Variants in DOCK8 observed in about 807,000 individuals in gnomAD.
The protein encoded by DOCK8 is dedicator of cytokinesis protein 8.
Under a neutral mutation model 245.6 loss-of-function variants are expected in DOCK8, and 141 were observed. That is an observed-to-expected ratio of 0.57 (90% CI 0.50 to 0.66). The LOEUF (loss-of-function observed/expected upper bound fraction) is 0.66. Ranked by LOEUF, DOCK8 falls within the 30% of genes least tolerant of loss-of-function variation. The probability of loss-of-function intolerance (pLI) is 0.00; values close to 1 mark genes in which losing one functional copy is unlikely to be tolerated. For synonymous variants in DOCK8, 1,168 were observed against 970.2 expected (o/e 1.20, Z -3.79); for missense variants, 2,965 against 2,603.4 (o/e 1.14, Z -3.02).
intron 1 of DOCK8, among the ~76,000 whole-genome samples, chr9:252,517 T>C (rs1002180070): frequency 1.7e-4 from 26 of 152,140 alleles, no homozygotes; most frequent in African/African-American, 5.8e-4. Context: ...AAAATTCCTA[T>C]GTAGGTCGGG....
intron 6 of DOCK8, 99 bp from the exon 7 acceptor site, chr9:316,944 T>C (rs2050372569): frequency 2.1e-6 from 2 of 950,310 alleles, no homozygotes; most frequent in African/African-American, 1.6e-5. Context: ...CTAAGTTAAC[T>C]TGAGCCGTGG....
Position 420,389 on chromosome 9 carries a change from G to C in DOCK8, c.3841-12G>C. On this transcript the variant is annotated splice_polypyrimidine_tract_variant and intron_variant, in intron 30 of 47. Transcript: ENST00000432829. ...TTCCCTGGCCTCCATCCCCCAATCT[G>C]CCTCCCTTCAGCCCTATAAGCAGTA... 6.2e-7 allele frequency: 1 copy of C among 1,613,990 alleles called. No homozygotes were observed. The highest frequency in any genetic ancestry group is 2.2e-5 in the East Asian group (1 of 44,882).
At chr9:389,470 C>T (rs1471502141) in intron 23 of DOCK8, among the ~76,000 whole-genome samples, 1 of 152,154 alleles carries the variant, frequency 6.6e-6, no homozygotes. Flanking sequence ...AAGATCCTCT[C>T]ATAAACCCCA....
rs575622255 is a variant in DOCK8, at chr9:237,766, C to T, written c.53+22737C>T. Among the ~76,000 whole-genome samples, 32 of 152,218 alleles carry T rather than the reference C, an allele frequency of 2.1e-4. No homozygotes were observed. The South Asian group carries it at 6.4e-3, about 31-fold the overall frequency. The stretch of plus-strand genomic sequence containing the variant: ...CACATTGATAAGCAGCCGGGTTGTT[C>T]AGCCAGTTTTTTTTTCTGAGAACAA... On this transcript the variant is annotated intron_variant, in intron 1 of 47. Transcript: ENST00000432829.
Position 434,819 on chromosome 9 carries a change from G to A in DOCK8, c.4923G>A (p.Arg1641=), listed in dbSNP as rs1033768514. The change falls in exon 39 of 48, where the codon CGG becomes CGA. Residue 1641 remains arginine, a synonymous_variant. Transcript: ENST00000432829. The part of the protein sequence containing the change: ...AKSYQASPDL[R]LTWLQNMAEK... ...GTTACCAGGCATCTCCTGATCTGCG[G>A]CTGACCTGGCTCCAGAACATGGCAG... 1 of 1,614,144 alleles carries A rather than the reference G, an allele frequency of 6.2e-7. No homozygotes were observed. Among genetic ancestry groups the A allele is most frequent in the Admixed American group, 1.7e-5 (1 of 60,024 alleles).
At chr9:258,194 A>G (rs1024756404) in intron 1 of DOCK8, among the ~76,000 whole-genome samples, 4 of 152,224 alleles carry the variant, frequency 2.6e-5, no homozygotes, top group Admixed American at 6.5e-5. Flanking sequence ...CACAACTGCA[A>G]TCAGCTTGAA....
chr9:436,242 G>A (rs1014571124), intron 39 of DOCK8, among the ~76,000 whole-genome samples: 7 of 152,174 alleles, frequency 4.6e-5, no homozygotes, highest in African/African-American at 1.7e-4. Context: ...CTTGGCAAAT[G>A]AATTTTCTTC....
At chr9:247,004 T>C (rs978489273) in intron 1 of DOCK8, among the ~76,000 whole-genome samples, 3 of 152,174 alleles carry the variant, frequency 2.0e-5, no homozygotes, top group Non-Finnish European at 4.4e-5. Context: ...GATTTTTCTC[T>C]TTAAGATGAA....
intron 1 of DOCK8, among the ~76,000 whole-genome samples, chr9:245,831 G>A (rs62531304): frequency 0.054 from 8,189 of 152,306 alleles, 240 homozygotes; most frequent in South Asian, 0.068. Context: ...GCACCAAGAT[G>A]TAGATGCTAA....
intron 1 of DOCK8, among the ~76,000 whole-genome samples, chr9:270,079 G>A (rs904893428): frequency 3.9e-5 from 6 of 152,186 alleles, no homozygotes; most frequent in African/African-American, 1.4e-4. Context: ...TAGTGGTTGT[G>A]AAATGGCAAC....
rs10217568 is a variant in DOCK8, at chr9:439,467, A to C, written c.5223+79A>C. On this transcript the variant is annotated intron_variant, in intron 40 of 47. Coordinates refer to ENST00000432829, the MANE Select transcript of DOCK8 (RefSeq NM_203447.4). ...TGGGGTGCTGGGAACACCTGGTCTT[A>C]ATGGCCCAGTCAGCCCCACTTCCCG... is the stretch of plus-strand genomic sequence containing the variant. The C allele has an allele frequency of 0.71, 1,122,072 of 1,581,092 alleles. 403,582 individuals are homozygous for C. Among genetic ancestry groups the C allele is most frequent in the East Asian group, 0.99 (44,097 of 44,490 alleles).
intron 15 of DOCK8, chr9:368,628 T>C (rs1205615837): frequency 5.5e-6 from 1 of 180,982 alleles, no homozygotes; most frequent in African/African-American, 2.4e-5. Context: ...GAGTGGATCT[T>C]TGTTCTGAGG....
At chr9:426,807 C>T in intron 33 of DOCK8, 78 bp from the exon 34 acceptor site, 2 of 1,134,206 alleles carry the variant, frequency 1.8e-6, no homozygotes, top group East Asian at 2.3e-5. Context: ...TTCTTTACAC[C>T]TTGGTGTATA....
intron 21 of DOCK8, among the ~76,000 whole-genome samples, 182 bp from the exon 22 acceptor site, chr9:382,331 C>T (rs2053753383): frequency 6.6e-6 from 1 of 152,132 alleles, no homozygotes; most frequent in Non-Finnish European, 1.5e-5. Context: ...TGCCTTATGC[C>T]CCATCTACTT....
rs201968420 is a variant in DOCK8, at chr9:334,321, T to C, written c.1222T>C (p.Leu408=). The change falls in exon 11 of 48, where the codon TTA becomes CTA. Residue 408 remains leucine (L), a synonymous_variant. Coordinates refer to ENST00000432829, the MANE Select transcript of DOCK8 (RefSeq NM_203447.4). ...RMPFAWAPIS[L]SSFFNVSTLE... is the part of the protein sequence containing the mutation. The stretch of plus-strand genomic sequence containing the variant: ...GCCCTTTGCCTGGGCACCCATAAGC[T>C]TATCAAGCTTCTTCAATGTCTCCAC... 1 of 1,614,152 alleles carries C rather than the reference T, an allele frequency of 6.2e-7. No homozygotes were observed. The highest frequency in any genetic ancestry group is 8.5e-7 in the Non-Finnish European group (1 of 1,180,006).
intron 4 of DOCK8, among the ~76,000 whole-genome samples, chr9:292,694 A>C (rs936926411): frequency 6.6e-6 from 1 of 152,096 alleles, no homozygotes; most frequent in Admixed American, 6.6e-5. Flanking sequence ...CATGTATTAA[A>C]AATGTCTTCC....
At chr9:390,598 A>G (rs373275023) in intron 24 of DOCK8, 32 bp downstream of exon 24, 16 of 1,595,622 alleles carry the variant, frequency 1.0e-5, no homozygotes, top group African/African-American at 9.4e-5. Context: ...ATCTGTGCTC[A>G]ATAGGCCAAG....
chr9:303,882 T>C (rs993571966), intron 4 of DOCK8, among the ~76,000 whole-genome samples: 5 of 152,252 alleles, frequency 3.3e-5, no homozygotes, highest in African/African-American at 9.6e-5. Flanking sequence ...CTTTGTAACA[T>C]GTTTTCCAAA....
At chr9:448,298 G>A (rs983786778) in intron 44 of DOCK8, among the ~76,000 whole-genome samples, 14 of 152,240 alleles carry the variant, frequency 9.2e-5, no homozygotes, top group African/African-American at 3.4e-4. Flanking sequence ...TAAGAGACAG[G>A]GGTCTTACTT....
Sources: allele counts gnomAD v4.1 joint callset (sites outside exome capture counted in the v4.1 genomes callset), GRCh38; gene constraint gnomAD v4.1.1; transcripts MANE v1.5; gene names NCBI Gene and HGNC (gene_info 2026-07-23, HGNC 2026-07-21).